Variants in CNTN4 observed in about 807,000 individuals in gnomAD.
The protein encoded by CNTN4 is contactin 4.
Under a neutral mutation model 122.5 loss-of-function variants are expected in CNTN4, and 77 were observed. The ratio of observed to expected loss-of-function variants is 0.63; its 90% CI spans 0.52 to 0.76. CNTN4 has a LOEUF of 0.76. CNTN4 is among the 30% of genes least tolerant of loss of function. The pLI is 0.00. For missense variants in CNTN4, 1,256 were observed against 1,259.1 expected (o/e 1.00, Z 0.04); for synonymous variants, 512 against 447.0 (o/e 1.15, Z -1.83).
intron 4 of CNTN4, among the ~76,000 whole-genome samples, chr3:2,669,507 A>G (rs1201245034): frequency 1.3e-5 from 2 of 152,084 alleles, no homozygotes; most frequent in East Asian, 3.9e-4. Flanking sequence ...TCTTGCTAGC[A>G]GTCTATCAAT....
intron 6 of CNTN4, among the ~76,000 whole-genome samples, chr3:2,774,070 A>G (rs775505232): frequency 3.6e-4 from 55 of 152,042 alleles, no homozygotes; most frequent in Non-Finnish European, 4.9e-4. Flanking sequence ...TCGATTTAGT[A>G]GACTTTTGAC....
intron 6 of CNTN4, among the ~76,000 whole-genome samples, chr3:2,770,053 G>A (rs1331713907): frequency 2.1e-5 from 3 of 146,092 alleles, no homozygotes; most frequent in East Asian, 2.0e-4. Flanking sequence ...TTTTTGAGAC[G>A]AAGTGTCACT....
rs575992959 is a variant in CNTN4 at position 3,009,583 on chromosome 3, G to A, written c.1487-16519G>A. Among the ~76,000 whole-genome samples, 591 of 86,068 alleles carry A rather than the reference G, an allele frequency of 6.9e-3. 5 individuals carry two copies. Among genetic ancestry groups the A allele is most frequent in the African/African-American group, 0.023 (555 of 23,776 alleles). The allele number at this position is 86,068 out of a possible 152,430, so 56.5% of individuals were successfully genotyped here. On this transcript the variant is annotated intron_variant, in intron 14 of 24. Transcript: ENST00000418658. ...CGAGTAGCTGGGACTACAGGCGCCC[G>A]CCACCACGCCCGGCTAATTTTTTGT...
rs1265178905 is a variant in CNTN4 at position 2,877,009 on chromosome 3, C to A, written c.653-6136C>A. Among the ~76,000 whole-genome samples, 4 of 152,330 alleles carry A rather than the reference C, an allele frequency of 2.6e-5. No individual in the cohort carries two copies. In the East Asian group the frequency reaches 7.7e-4, roughly 29 times the overall value. ...AATTCATAGGCTGCATCTCAACTTACTAAATCAGAAACTCAAGCCTTTCAG... is the reference window on the plus strand; with the variant it reads ...AATTCATAGGCTGCATCTCAACTTAATAAATCAGAAACTCAAGCCTTTCAG... On this transcript the variant is annotated intron_variant, in intron 8 of 24. Coordinates refer to ENST00000418658, the MANE Select transcript of CNTN4 (RefSeq NM_175607.3).
intron 2 of CNTN4, among the ~76,000 whole-genome samples, chr3:2,271,033 C>G (rs1484500752): frequency 1.3e-5 from 2 of 149,970 alleles, no homozygotes; most frequent in South Asian, 2.1e-4. Context: ...TTAGGGACCT[C>G]TCTGCTTTTG....
At chr3:2,162,604 G>T (rs2036013854) in intron 2 of CNTN4, among the ~76,000 whole-genome samples, 3 of 152,124 alleles carry the variant, frequency 2.0e-5, no homozygotes, top group Non-Finnish European at 4.4e-5. Context: ...CCTGTTTATT[G>T]ACTCAATAGT....
chr3:3,026,617 C>T (rs1007025643), intron 15 of CNTN4, among the ~76,000 whole-genome samples: 6 of 152,140 alleles, frequency 3.9e-5, no homozygotes, highest in Admixed American at 3.3e-4. Context: ...CTCTGTGTCA[C>T]ATATCATATC....
intron 4 of CNTN4, among the ~76,000 whole-genome samples, chr3:2,722,030 C>T (rs535526421): frequency 4.1e-4 from 62 of 152,268 alleles, no homozygotes; most frequent in Non-Finnish European, 6.9e-4. Flanking sequence ...GCCAGCACCT[C>T]GTGCTTGGAC....
intron 6 of CNTN4, among the ~76,000 whole-genome samples, chr3:2,751,706 G>A (rs532034510): frequency 1.8e-4 from 27 of 151,996 alleles, no homozygotes; most frequent in African/African-American, 5.5e-4. Context: ...CCAGCATCCC[G>A]GTCTAAATCT....
chr3:2,789,498 T>C (rs1320060070), intron 6 of CNTN4, among the ~76,000 whole-genome samples: 1 of 152,240 alleles, frequency 6.6e-6, no homozygotes, highest in East Asian at 1.9e-4. Flanking sequence ...AGTGGCGTGA[T>C]ATCAGCTCAC....
At chr3:2,426,553 A>G (rs960241690) in intron 3 of CNTN4, among the ~76,000 whole-genome samples, 2 of 152,102 alleles carry the variant, frequency 1.3e-5, no homozygotes, top group Non-Finnish European at 2.9e-5. Context: ...TGTCTCTGCC[A>G]AGCTTTGGTA....
chr3:2,507,742 A>G (rs958347822), intron 3 of CNTN4, among the ~76,000 whole-genome samples: 2 of 150,744 alleles, frequency 1.3e-5, no homozygotes, highest in African/African-American at 4.9e-5. Flanking sequence ...CTCAAAAAAA[A>G]AAAAAAAAGA....
rs200394103 is a variant in CNTN4, at chr3:2,119,295, GTC to G, written c.-145+18665_-145+18666del. Reference sequence around the variant, plus strand: ...TTCCTTGGTGTGTCTCTTTCTTTCTGTCTCTCTCTCCGTGTATACATCTAGTC... The same window carrying G: ...TTCCTTGGTGTGTCTCTTTCTTTCTGTCTCTCTCCGTGTATACATCTAGTC... On this transcript the variant is annotated intron_variant, in intron 2 of 24. Transcript: ENST00000418658. Among the ~76,000 whole-genome samples, 1,265 of 152,196 alleles carry G rather than the reference GTC, an allele frequency of 8.3e-3. 8 individuals are homozygous for G. The highest frequency in any genetic ancestry group is 0.015 in the Admixed American group (226 of 15,274).
chr3:2,237,848 T>C (rs946595819), intron 2 of CNTN4, among the ~76,000 whole-genome samples: 15 of 152,198 alleles, frequency 9.9e-5, no homozygotes, highest in African/African-American at 3.6e-4. Flanking sequence ...TTAATTTTGC[T>C]TACTTCAGAT....
intron 4 of CNTN4, among the ~76,000 whole-genome samples, chr3:2,700,572 T>G (rs1199732571): frequency 1.3e-5 from 2 of 152,020 alleles, no homozygotes; most frequent in Non-Finnish European, 1.5e-5. Flanking sequence ...TTTTGCCTTG[T>G]AGAAATATTC....
rs1048549654 is a variant in CNTN4 at position 3,038,981 on chromosome 3, C to G, written c.2141C>G (p.Ser714Cys). ...ANVSGGGGSKSELVITWETVP... is the reference protein window; with the variant it reads ...ANVSGGGGSKCELVITWETVP... The stretch of plus-strand genomic sequence containing the variant: ...GTCAGTGGTGGCGGAGGCAGCAAAT[C>G]TGAACTGGTTATAACCTGGGAGGTA... The change falls in exon 19 of 25, where the codon TCT becomes TGT. Residue 714 changes from serine (S) to cysteine (C), a missense_variant. Coordinates refer to ENST00000418658, the MANE Select transcript of CNTN4 (RefSeq NM_175607.3). The G allele has an allele frequency of 1.4e-5, 22 of 1,613,898 alleles. No individual in the cohort carries two copies. Among genetic ancestry groups the G allele is most frequent in the Non-Finnish European group, 1.9e-5 (22 of 1,179,896 alleles).
At chr3:2,582,182 C>A (rs1161945321) in intron 4 of CNTN4, among the ~76,000 whole-genome samples, 2 of 152,128 alleles carry the variant, frequency 1.3e-5, no homozygotes, top group African/African-American at 4.8e-5. Flanking sequence ...ATTAAATATT[C>A]TGAGGAGAAA....
intron 2 of CNTN4, among the ~76,000 whole-genome samples, chr3:2,186,486 G>C (rs1409668320): frequency 1.3e-5 from 2 of 152,172 alleles, no homozygotes; most frequent in Non-Finnish European, 2.9e-5. Context: ...TCTAGTTCTA[G>C]ATCCTTGAGG....
intron 6 of CNTN4, among the ~76,000 whole-genome samples, chr3:2,772,458 TTAAAGTC>T (rs1456710948): frequency 2.6e-5 from 4 of 152,062 alleles, no homozygotes; most frequent in Admixed American, 6.6e-5. Context: ...TAGAATGACT[TTAAAGTC>T]TAATGTCTTG....
Sources: allele counts gnomAD v4.1 joint callset (sites outside exome capture counted in the v4.1 genomes callset), GRCh38; gene constraint gnomAD v4.1.1; transcripts MANE v1.5; gene names NCBI Gene and HGNC (gene_info 2026-07-23, HGNC 2026-07-21).